The following LDB1 variants were observed in gnomAD, a reference collection of about 807,000 sequenced individuals.
LDB1 encodes the protein LIM domain-binding protein 1.
LDB1 carries 6 observed loss-of-function variants against 49.7 expected under a neutral mutation model. The observed-to-expected ratio is 0.12, with a 90% CI of 0.07 to 0.24. The LOEUF (loss-of-function observed/expected upper bound fraction) is 0.24, where lower values mean the gene tolerates loss of function less well. Among genes scored for constraint, LDB1 ranks in the 10% least tolerant of loss-of-function variants. The pLI is 1.00. For missense variants in LDB1, 341 were observed against 561.7 expected, an observed-to-expected ratio of 0.61 and a Z score of 3.97; for synonymous variants, 233 against 202.0, an observed-to-expected ratio of 1.15 and a Z score of -1.30.
intron 1 of LDB1, chr10:102,114,277 G>A: frequency 2.1e-6 from 2 of 940,866 alleles, no homozygotes; most frequent in East Asian, 2.3e-4. Context: ...ACTGGCCACA[G>A]GTCAGCAGGC....
rs1436247250 is a variant in LDB1, at chr10:102,117,869, A to G, written c.25+2217T>C. On this transcript the variant is annotated intron_variant, in intron 1 of 10. Transcript: ENST00000673968. The surrounding 1 kb of genome is among the most constrained non-coding windows in gnomAD (Gnocchi z 4.2). ...GGGTGTTGGGCATGTGTATGTGTGT[A>G]TCTTGTGGTGCTTCTGCGTGTGCAT... is the stretch of plus-strand genomic sequence containing the variant. 6.6e-6 allele frequency among the ~76,000 whole-genome samples: 1 copy of G among 152,106 alleles called. No individual in the cohort carries two copies. The highest frequency in any genetic ancestry group is 1.9e-4 in the East Asian group (1 of 5,192).
rs1022388013 is a variant in LDB1 at position 102,117,496 on chromosome 10, A to T, written c.25+2590T>A. The stretch of plus-strand genomic sequence containing the variant: ...TGGAGGTGGGGACTCAAAGGACAGC[A>T]GCCAGCCCCAGCCCACAGGATGAGG... On this transcript the variant is annotated intron_variant, in intron 1 of 10. Coordinates refer to ENST00000673968, the MANE Select transcript of LDB1 (RefSeq NM_001113407.3). The surrounding 1 kb of genome is among the most constrained non-coding windows in gnomAD (Gnocchi z 4.2). Among the ~76,000 whole-genome samples the T allele has an allele frequency of 1.3e-5, 2 of 152,098 alleles. No homozygotes were observed. The highest frequency in any genetic ancestry group is 4.8e-5 in the African/African-American group (2 of 41,370).
At chr10:102,110,450 G>A in intron 6 of LDB1, 79 bp downstream of exon 6, 3 of 1,422,944 alleles carry the variant, frequency 2.1e-6, no homozygotes, top group African/African-American at 1.4e-5. Context: ...CTGGGGAACA[G>A]CTGTGAGTAT....
At chr10:102,114,770 G>T (rs2068310424) in intron 1 of LDB1, 1 of 925,698 alleles carries the variant, frequency 1.1e-6, no homozygotes, top group Non-Finnish European at 1.3e-6. Context: ...CTCCTTCTCG[G>T]CTCTCCCCGC....
chr10:102,108,389 A>AC, intron 10 of LDB1, 66 bp from the exon 11 acceptor site: 3 of 1,314,704 alleles, frequency 2.3e-6, no homozygotes. Context: ...GGCGGCAGAT[A>AC]CCCCCAGAGC....
chr10:102,116,935 C>T (rs558866240), intron 1 of LDB1, among the ~76,000 whole-genome samples: 1 of 148,618 alleles, frequency 6.7e-6, no homozygotes, highest in South Asian at 2.1e-4. Flanking sequence ...AAGAGATCCT[C>T]ATAGCACATA....
intron 1 of LDB1, among the ~76,000 whole-genome samples, chr10:102,119,221 C>G (rs531769760): frequency 4.6e-5 from 7 of 152,158 alleles, no homozygotes; most frequent in Non-Finnish European, 1.0e-4. Flanking sequence ...GACAGTGTGC[C>G]GTGAGGCCCT....
At chr10:102,113,970 G>A (rs1178416146) in intron 1 of LDB1, among the ~76,000 whole-genome samples, 1 of 152,178 alleles carries the variant, frequency 6.6e-6, no homozygotes, top group Non-Finnish European at 1.5e-5. Context: ...AGTGAGTAGA[G>A]AAGGGGAGGG....
At position 102,108,055 on chromosome 10, in the gene LDB1, C is replaced by G. The variant is rs1218565893; in HGVS notation, c.*38G>C. 3 of 1,474,478 alleles carry G rather than the reference C, an allele frequency of 2.0e-6. No homozygotes were observed. In the East Asian group the frequency reaches 6.8e-5, roughly 33 times the overall value. 91.3% of individuals were successfully genotyped at this position (1,474,478 alleles called of 1,614,324 possible). Reference sequence around the variant, plus strand: ...CTCCCTGGGGCTGTGAGGGGTGGGGCAGGTAGGCAGAGCACTGGGTGGCCA... The same window carrying G: ...CTCCCTGGGGCTGTGAGGGGTGGGGGAGGTAGGCAGAGCACTGGGTGGCCA... On this transcript the variant is annotated 3_prime_UTR_variant, in exon 11 of 11. Coordinates refer to ENST00000673968, the MANE Select transcript of LDB1 (RefSeq NM_001113407.3).
downstream of LDB1, among the ~76,000 whole-genome samples, chr10:102,105,028 C>T (rs886373120): frequency 2.8e-4 from 42 of 152,126 alleles, no homozygotes; most frequent in African/African-American, 8.5e-4. Flanking sequence ...CATATACATG[C>T]CCACATACAA....
In LDB1 at chr10:102,111,290, T is replaced by C. The variant is rs1233122876; in HGVS notation, c.139A>G (p.Met47Val). The change falls in exon 3 of 11, where the codon ATG (methionine) becomes GTG (valine). Residue 47 changes from methionine to valine, a missense_variant. Coordinates refer to ENST00000673968, the MANE Select transcript of LDB1 (RefSeq NM_001113407.3). The stretch of plus-strand genomic sequence containing the variant: ...GGCTCCAGGTATGTAGGCGGATACA[T>C]GGGAGTTGGGCTGTGTAAAGGAAGA... ...MLDRDVGPTP[M>V]YPPTYLEPGI... 1 of 1,613,940 alleles carries C rather than the reference T, an allele frequency of 6.2e-7. No individual in the cohort carries two copies. The highest frequency in any genetic ancestry group is 8.5e-7 in the Non-Finnish European group (1 of 1,179,932).
At chr10:102,110,847 C>T (rs1206451296) in intron 5 of LDB1, 22 bp downstream of exon 5, 2 of 1,602,938 alleles carry the variant, frequency 1.2e-6, no homozygotes, top group Non-Finnish European at 1.7e-6. Context: ...ACCCTCATAG[C>T]AAGACCCCAG....
chr10:102,113,371 G>A (rs560615234), intron 1 of LDB1, among the ~76,000 whole-genome samples: 5 of 152,112 alleles, frequency 3.3e-5, no homozygotes, highest in African/African-American at 4.8e-5. Context: ...TCAGATGCCC[G>A]CAACAGGCCC....
intron 1 of LDB1, among the ~76,000 whole-genome samples, chr10:102,111,825 T>A (rs1341008211): frequency 6.6e-6 from 1 of 152,134 alleles, no homozygotes; most frequent in African/African-American, 2.4e-5. Flanking sequence ...CACTCCAGCC[T>A]GGACAACAGA....
At chr10:102,110,995 T>G (rs756077542) in intron 4 of LDB1, 24 bp from the exon 5 acceptor site, 2 of 1,612,274 alleles carry the variant, frequency 1.2e-6, no homozygotes, top group Non-Finnish European at 1.7e-6. Context: ...TAACGGGTGT[T>G]CATGTGTCAT....
downstream of LDB1, among the ~76,000 whole-genome samples, chr10:102,105,796 T>A (rs1236397883): frequency 7.2e-6 from 1 of 138,846 alleles, no homozygotes. Flanking sequence ...ACCCTATCTC[T>A]ACTAAAAAAA....
intron 6 of LDB1, 95 bp from the exon 7 acceptor site, chr10:102,110,138 T>C (rs1253420968): frequency 8.8e-6 from 12 of 1,365,710 alleles, no homozygotes; most frequent in South Asian, 1.3e-5. Flanking sequence ...AACTCTCCCA[T>C]TGCATACACT....
intron 1 of LDB1, among the ~76,000 whole-genome samples, chr10:102,111,829 C>T (rs889525849): frequency 3.9e-5 from 6 of 152,096 alleles, no homozygotes; most frequent in African/African-American, 1.4e-4. Context: ...CCAGCCTGGA[C>T]AACAGAGTGA....
At chr10:102,119,061 G>A (rs61874767) in intron 1 of LDB1, among the ~76,000 whole-genome samples, 11,811 of 152,192 alleles carry the variant, frequency 0.078, 569 homozygotes, top group African/African-American at 0.13. Context: ...AGCTTCCCTT[G>A]GGGATTTGTG....
Sources: gnomAD v4.1 joint callset for allele counts (sites outside exome capture counted in the v4.1 genomes callset) on GRCh38, gnomAD v4.1.1 for gene constraint, Gnocchi (gnomAD v3.1) non-coding constraint, MANE v1.5 for transcripts, NCBI Gene and HGNC (gene_info 2026-07-23, HGNC 2026-07-21) for gene names.